The following MYO16 variants were observed in gnomAD, a reference collection of about 807,000 sequenced individuals.
MYO16 encodes the protein unconventional myosin-XVI.
MYO16 carries 94 observed loss-of-function variants against 205.3 expected under a neutral mutation model. The ratio of observed to expected loss-of-function variants is 0.46; its 90% CI spans 0.39 to 0.54. The LOEUF (loss-of-function observed/expected upper bound fraction) is 0.54. MYO16 is among the 20% of genes least tolerant of loss of function. MYO16 has a pLI of 0.00. For missense variants in MYO16, 2,315 were observed against 2,387.5 expected (o/e 0.97, Z 0.63); for synonymous variants, 988 against 954.0 (o/e 1.04, Z -0.66).
chr13:109,002,520 A>G (rs753503122), intron 21 of MYO16, among the ~76,000 whole-genome samples: 4 of 152,192 alleles, frequency 2.6e-5, no homozygotes, highest in Non-Finnish European at 4.4e-5. Flanking sequence ...ATTAGAGAAG[A>G]GCAAATACTA....
At chr13:109,047,315 A>G (rs1887079371) in intron 24 of MYO16, among the ~76,000 whole-genome samples, 2 of 152,158 alleles carry the variant, frequency 1.3e-5, no homozygotes, top group Admixed American at 1.3e-4. Context: ...TTCCAACGTT[A>G]TTTAAGCCAC....
intron 1 of MYO16, among the ~76,000 whole-genome samples, chr13:108,624,232 G>A (rs1463817775): frequency 6.6e-6 from 1 of 152,124 alleles, no homozygotes; most frequent in African/African-American, 2.4e-5. Context: ...CAAATGTATA[G>A]AGATCTGTTC....
chr13:109,063,151 G>T (rs1887641680), intron 27 of MYO16, among the ~76,000 whole-genome samples: 1 of 152,118 alleles, frequency 6.6e-6, no homozygotes, highest in Non-Finnish European at 1.5e-5. Flanking sequence ...GTGGACATGA[G>T]GTTGTAAATT....
chr13:109,062,869 T>G (rs1000416359), intron 27 of MYO16, among the ~76,000 whole-genome samples: 9 of 152,152 alleles, frequency 5.9e-5, no homozygotes, highest in Non-Finnish European at 8.8e-5. Flanking sequence ...GTTACCAAAT[T>G]TTCAGGTAAA....
intron 3 of MYO16, among the ~76,000 whole-genome samples, chr13:108,717,629 CAAAAA>C (rs59387181): frequency 3.1e-5 from 3 of 96,368 alleles, no homozygotes; most frequent in African/African-American, 1.2e-4. Context: ...GACTCCATCT[CAAAAA>C]AAAAAAAAAA....
chr13:108,572,188 A>C, the MYO16 span, among the ~76,000 whole-genome samples: 1 of 151,868 alleles, frequency 6.6e-6, no homozygotes, highest in Admixed American at 6.6e-5. Context: ...TGGCCTCCCA[A>C]ACTGCTGGGA....
intron 14 of MYO16, among the ~76,000 whole-genome samples, chr13:108,893,977 AATTT>A (rs1299258195): frequency 6.6e-6 from 1 of 152,138 alleles, no homozygotes; most frequent in African/African-American, 2.4e-5. Flanking sequence ...GAGACTAGGA[AATTT>A]ATTTTTTAAA....
At chr13:109,040,487 C>T (rs1886852760) in intron 23 of MYO16, among the ~76,000 whole-genome samples, 1 of 151,128 alleles carries the variant, frequency 6.6e-6, no homozygotes, top group Non-Finnish European at 1.5e-5. Flanking sequence ...GCAGATAGAA[C>T]TTAGCAATAT....
intron 6 of MYO16, among the ~76,000 whole-genome samples, chr13:108,795,885 G>C (rs1291638762): frequency 6.6e-6 from 1 of 152,182 alleles, no homozygotes; most frequent in African/African-American, 2.4e-5. Flanking sequence ...TGGATAGATA[G>C]AGAGGAAAGA....
chr13:108,940,779 C>T (rs192964226), intron 16 of MYO16, among the ~76,000 whole-genome samples: 2 of 152,292 alleles, frequency 1.3e-5, no homozygotes, highest in Non-Finnish European at 2.9e-5. Flanking sequence ...GGCCTGTTAG[C>T]CTCTCTGGTA....
At chr13:108,694,320 T>A (rs1883008157) in intron 2 of MYO16, among the ~76,000 whole-genome samples, 1 of 152,218 alleles carries the variant, frequency 6.6e-6, no homozygotes, top group Non-Finnish European at 1.5e-5. Context: ...TTCTTATTCA[T>A]ATGTAATTGC....
chr13:108,559,695 C>T, the MYO16 span, among the ~76,000 whole-genome samples: 3 of 151,844 alleles, frequency 2.0e-5, no homozygotes, highest in African/African-American at 4.8e-5. Flanking sequence ...TGGTCTCGAT[C>T]TCCTGACCTC....
chr13:109,116,628 A>G (rs912377883), intron 28 of MYO16, among the ~76,000 whole-genome samples: 1 of 151,764 alleles, frequency 6.6e-6, no homozygotes. Context: ...CTCTGTGTCT[A>G]CTCTTCCTAT....
At chr13:108,504,458 C>T in the MYO16 span, among the ~76,000 whole-genome samples, 8 of 151,346 alleles carry the variant, frequency 5.3e-5, no homozygotes, top group East Asian at 4.0e-4. Flanking sequence ...CTTGCAAAGC[C>T]GAAACTCTAC....
At chr13:108,627,897 G>T (rs149121094), upstream of MYO16, among the ~76,000 whole-genome samples, 2 of 152,034 alleles carry the variant, frequency 1.3e-5, no homozygotes, top group African/African-American at 2.4e-5. Flanking sequence ...AGGTATATAG[G>T]CAACATACTA....
chr13:108,545,451 G>A, the MYO16 span, among the ~76,000 whole-genome samples: 9,693 of 152,154 alleles, frequency 0.064, 391 homozygotes, highest in Admixed American at 0.12. Context: ...TGTGAATAGT[G>A]CTGTGATGAA....
intron 33 of MYO16, among the ~76,000 whole-genome samples, chr13:109,169,462 C>A (rs1180447330): frequency 6.6e-6 from 1 of 151,882 alleles, no homozygotes; most frequent in Non-Finnish European, 1.5e-5. Context: ...TGAAAATTTT[C>A]TTGCAAGGGG....
intron 11 of MYO16, among the ~76,000 whole-genome samples, chr13:108,860,676 T>G (rs1878409358): frequency 6.6e-6 from 1 of 152,120 alleles, no homozygotes; most frequent in Non-Finnish European, 1.5e-5. Flanking sequence ...ACAGAGCTGA[T>G]AAAAACAAGC....
chr13:109,192,344 T>C (rs1018603965), intron 34 of MYO16, among the ~76,000 whole-genome samples: 1 of 152,210 alleles, frequency 6.6e-6, no homozygotes, highest in Non-Finnish European at 1.5e-5. Flanking sequence ...TATTTGCTTT[T>C]ATATTTTGCC....
Sources: gnomAD v4.1 joint callset for allele counts (sites outside exome capture counted in the v4.1 genomes callset) on GRCh38, gnomAD v4.1.1 for gene constraint, MANE v1.5 for transcripts, NCBI Gene and HGNC (gene_info 2026-07-23, HGNC 2026-07-21) for gene names.